The following SSX1 variants were observed in gnomAD, a reference collection of about 807,000 sequenced individuals.
The protein encoded by SSX1 is SSX family member 1.
A neutral mutation model predicts 14.6 loss-of-function variants in SSX1; 58 were observed. The ratio of observed to expected loss-of-function variants is 3.96; its 90% CI spans 3.21 to 4.93. SSX1 has a LOEUF of 4.93. Among genes scored for constraint, SSX1 ranks in the 30% most tolerant of loss-of-function variants. The probability of loss-of-function intolerance (pLI) is 0.00; values close to 1 mark genes in which losing one functional copy is unlikely to be tolerated. For synonymous variants in SSX1, 46 were observed against 52.1 expected (o/e 0.88, Z 0.50); for missense variants, 272 against 143.1 (o/e 1.90, Z -4.60).
At position 48,263,889 on chromosome X, in the gene SSX1, T is replaced by A; in HGVS notation, c.438T>A (p.Asn146Lys). 1 of 1,210,928 alleles carries A rather than the reference T, an allele frequency of 8.3e-7. No homozygotes were observed. The highest frequency in any genetic ancestry group is 1.1e-6 in the Non-Finnish European group (1 of 895,242). ...GKQLHPPGKA[N>K]ISEKINKRSG... ...AACTGCACCCCCCAGGAAAAGCAAATATTTCTGAGAAGATTAATAAGAGAT... is the reference window on the plus strand; with the variant it reads ...AACTGCACCCCCCAGGAAAAGCAAAAATTTCTGAGAAGATTAATAAGAGAT... Residue 146 changes from asparagine to lysine, a missense_variant, in exon 6 of 8, where the codon AAT becomes AAA. Asn to Lys is a moderately conservative substitution (Grantham distance 94). Coordinates refer to ENST00000376919, the MANE Select transcript of SSX1 (RefSeq NM_005635.4).
chrX:48,263,922 G>A lies in SSX1; in HGVS notation c.466+5G>A, dbSNP rs371911548. On this transcript the variant is annotated splice_donor_5th_base_variant and intron_variant, in intron 6 of 7. Coordinates refer to ENST00000376919, the MANE Select transcript of SSX1 (RefSeq NM_005635.4). ...AGAAGATTAATAAGAGATCTGGTAA[G>A]AGGAAATGATTTGGGAACAACTTCT... 4.1e-6 allele frequency: 5 copies of A among 1,208,180 alleles called. No homozygotes were observed. The highest frequency in any genetic ancestry group is 5.6e-6 in the Non-Finnish European group (5 of 894,350).
intron 6 of SSX1, among the ~76,000 whole-genome samples, chrX:48,265,875 CAG>C (rs2059621096): frequency 9.0e-6 from 1 of 111,585 alleles, no homozygotes; most frequent in African/African-American, 3.3e-5. Flanking sequence ...ATCACCATAA[CAG>C]ATATAATAAT....
chrX:48,259,809 C>T (rs781978286), intron 4 of SSX1, among the ~76,000 whole-genome samples: 2,192 of 106,913 alleles, frequency 0.021, 29 homozygotes, highest in Non-Finnish European at 0.032. Context: ...GCATAGTATT[C>T]CATGGTGTAT....
chrX:48,258,185 CTTTT>C lies in SSX1; in HGVS notation c.185-330_185-327del, dbSNP rs1201912440. Among the ~76,000 whole-genome samples, 486 of 72,953 alleles carry C rather than the reference CTTTT, an allele frequency of 6.7e-3. 7 individuals are homozygous for C. Among genetic ancestry groups the C allele is most frequent in the African/African-American group, 0.027 (455 of 16,975 alleles). 63.4% of individuals were successfully genotyped at this position (72,953 alleles called of 115,157 possible). A position where few individuals can be genotyped will look rare whatever the true frequency, so the allele number is the denominator to read the frequency against. ...AGCTTGTCTCTTTCTCTCTCTCTCCCTTTTTTTTTTTTTTTTTTTTTTTTGAGTC... is the reference window on the plus strand; with the variant it reads ...AGCTTGTCTCTTTCTCTCTCTCTCCCTTTTTTTTTTTTTTTTTTTTGAGTC... On this transcript the variant is annotated intron_variant, in intron 3 of 7. Coordinates refer to ENST00000376919, the MANE Select transcript of SSX1 (RefSeq NM_005635.4).
In SSX1 at chrX:48,263,853, C is replaced by T. The variant is rs782539150; in HGVS notation, c.402C>T (p.Asn134=). 2.8e-5 allele frequency: 34 copies of T among 1,209,474 alleles called. No individual in the cohort carries two copies. Among genetic ancestry groups the T allele is most frequent in the Admixed American group, 2.4e-4 (11 of 45,630 alleles). The change falls in exon 6 of 8, where the codon AAC becomes AAT. Residue 134 remains asparagine, a synonymous_variant. Coordinates refer to ENST00000376919, the MANE Select transcript of SSX1 (RefSeq NM_005635.4). The part of the protein sequence containing the change: ...KGVSEASGPQ[N]DGKQLHPPGK... The stretch of plus-strand genomic sequence containing the variant: ...TGTCAGAAGCATCTGGCCCACAAAA[C>T]GATGGGAAACAACTGCACCCCCCAG...
intron 4 of SSX1, 24 bp downstream of exon 4, chrX:48,258,655 A>G (rs1556934975): frequency 8.9e-7 from 1 of 1,128,741 alleles, no homozygotes; most frequent in South Asian, 1.8e-5. Flanking sequence ...AAGTGGCTGG[A>G]AAGGTCTCCT....
At position 48,266,473 on chromosome X, in the gene SSX1, G is replaced by T. The variant is rs1256892533; in HGVS notation, c.*4+82G>T. On this transcript the variant is annotated intron_variant, in intron 7 of 7. Transcript: ENST00000376919. ...GTACTGGTATCCCATCTTGTCATTTGTTTCCCAAATCATTCCTTTCTCATA... is the reference window on the plus strand; with the variant it reads ...GTACTGGTATCCCATCTTGTCATTTTTTTCCCAAATCATTCCTTTCTCATA... 5.6e-5 allele frequency: 67 copies of T among 1,193,546 alleles called. No homozygotes were observed. In the South Asian group the frequency reaches 1.2e-3, roughly 21 times the overall value.
At chrX:48,258,713 C>A in intron 4 of SSX1, 82 bp downstream of exon 4, 1 of 793,663 alleles carries the variant, frequency 1.3e-6, no homozygotes, top group South Asian at 2.3e-5. Flanking sequence ...GATCCTCTGG[C>A]ATTTGTTCCC....
intron 5 of SSX1, 101 bp downstream of exon 5, chrX:48,261,916 C>G: frequency 2.1e-6 from 2 of 964,838 alleles, no homozygotes; most frequent in Non-Finnish European, 1.5e-6. Context: ...CTCATTGCCT[C>G]TTTCTCCCCA....
At chrX:48,256,314 TA>T (rs1346363807) in intron 1 of SSX1, among the ~76,000 whole-genome samples, 5 of 107,814 alleles carry the variant, frequency 4.6e-5, no homozygotes, top group Admixed American at 3.0e-4. Context: ...TATTTTATTT[TA>T]TTTTTTTTAG....
At chrX:48,262,910 C>T (rs1556935737) in intron 5 of SSX1, among the ~76,000 whole-genome samples, 1 of 110,269 alleles carries the variant, frequency 9.1e-6, no homozygotes, top group Non-Finnish European at 1.9e-5. Flanking sequence ...TTGAGGCGGG[C>T]AGATTACGAG....
rs2059613659 is a variant in SSX1, at chrX:48,263,842, G to A, written c.391G>A (p.Gly131Ser). 6 of 1,209,826 alleles carry A rather than the reference G, an allele frequency of 5.0e-6. No homozygotes were observed. Among genetic ancestry groups the A allele is most frequent in the African/African-American group, 1.7e-5 (1 of 57,156 alleles). The change falls in exon 6 of 8, where the codon GGC becomes AGC. Residue 131 changes from glycine (G) to serine (S), a missense_variant. Gly to Ser is a moderately conservative substitution (Grantham distance 56). Transcript: ENST00000376919. ...TTCGAAGGGAGTGTCAGAAGCATCT[G>A]GCCCACAAAACGATGGGAAACAACT... The part of the protein sequence containing the change: ...NDSKGVSEAS[G>S]PQNDGKQLHP...
intron 4 of SSX1, among the ~76,000 whole-genome samples, chrX:48,260,910 G>A (rs182769883): frequency 6.4e-4 from 72 of 111,828 alleles, no homozygotes; most frequent in African/African-American, 2.2e-3. Context: ...AATAAAGATT[G>A]CTGTTTCTCC....
Position 48,259,069 on chromosome X carries a change from C to A in SSX1, c.280+438C>A, listed in dbSNP as rs782565362. ...TGGAGTACAATGGCACAGTCTCAGC[C>A]CACTACAACCTCTGCCTCCCGGGTT... On this transcript the variant is annotated intron_variant, in intron 4 of 7. Coordinates refer to ENST00000376919, the MANE Select transcript of SSX1 (RefSeq NM_005635.4). Among the ~76,000 whole-genome samples the A allele has an allele frequency of 1.8e-4, 20 of 111,052 alleles. 1 individual carries two copies. In the South Asian group the frequency reaches 5.3e-3, roughly 29 times the overall value.
At chrX:48,260,697 A>G (rs1377090844) in intron 4 of SSX1, among the ~76,000 whole-genome samples, 1 of 111,676 alleles carries the variant, frequency 9.0e-6, no homozygotes, top group East Asian at 2.8e-4. Context: ...TACAAAAATC[A>G]CAAGCATTCT....
At chrX:48,261,064 G>A (rs2059602144) in intron 4 of SSX1, among the ~76,000 whole-genome samples, 2 of 111,665 alleles carry the variant, frequency 1.8e-5, no homozygotes, top group Non-Finnish European at 3.8e-5. Flanking sequence ...GATAACATAG[G>A]ATGAAAAAAA....
In SSX1 at chrX:48,257,762, C is replaced by T. The variant is rs782512239; in HGVS notation, c.86C>T (p.Ala29Val). 1 of 1,203,713 alleles carries T rather than the reference C, an allele frequency of 8.3e-7. No individual in the cohort carries two copies. Among genetic ancestry groups the T allele is most frequent in the Non-Finnish European group, 1.1e-6 (1 of 890,327 alleles). The change falls in exon 3 of 8, where the codon GCC (alanine) becomes GTC (valine). Residue 29 changes from alanine to valine, a missense_variant. Ala to Val is a moderately conservative substitution (Grantham distance 64). Transcript: ENST00000376919. ...EKRSKAFDDI[A>V]TYFSKKEWKK... ...TTTTTTTAGGCCTTTGATGATATTGCCACATACTTCTCTAAGAAAGAGTGG... is the reference window on the plus strand; with the variant it reads ...TTTTTTTAGGCCTTTGATGATATTGTCACATACTTCTCTAAGAAAGAGTGG...
At chrX:48,261,879 T>A in intron 5 of SSX1, 64 bp downstream of exon 5, 1 of 1,160,865 alleles carries the variant, frequency 8.6e-7, no homozygotes, top group Non-Finnish European at 1.2e-6. Flanking sequence ...TGAACACTGA[T>A]AAGACAGGGA....
chrX:48,260,598 C>G (rs2059600593), intron 4 of SSX1, among the ~76,000 whole-genome samples: 1 of 111,221 alleles, frequency 9.0e-6, no homozygotes, highest in African/African-American at 3.3e-5. Context: ...ACGACATGAT[C>G]GTATACCTAG....
Sources: gnomAD v4.1 joint callset for allele counts (sites outside exome capture counted in the v4.1 genomes callset) on GRCh38, gnomAD v4.1.1 for gene constraint, MANE v1.5 for transcripts, NCBI Gene and HGNC (gene_info 2026-07-23, HGNC 2026-07-21) for gene names.